Variants in TRIM14 observed in about 807,000 individuals in gnomAD.
TRIM14 encodes the protein tripartite motif containing 14.
A neutral mutation model predicts 44.5 loss-of-function variants in TRIM14; 28 were observed. The ratio of observed to expected loss-of-function variants is 0.63; its 90% CI spans 0.47 to 0.86. The LOEUF (loss-of-function observed/expected upper bound fraction) is 0.86, where lower values mean the gene tolerates loss of function less well. Ranked by LOEUF, TRIM14 falls within the 40% of genes least tolerant of loss-of-function variation. The pLI, the probability that TRIM14 is intolerant of heterozygous loss-of-function variation, is 0.00. For missense variants in TRIM14, 607 were observed against 611.1 expected (o/e 0.99, Z 0.07); for synonymous variants, 299 against 269.2 (o/e 1.11, Z -1.08).
chr9:98,091,642 TA>T (rs1172803834), intron 5 of TRIM14, among the ~76,000 whole-genome samples: 1 of 152,154 alleles, frequency 6.6e-6, no homozygotes, highest in African/African-American at 2.4e-5. Context: ...CTAAAAAAGC[TA>T]AAAGGACAAA....
At chr9:98,096,948 C>T (rs1362563112) in intron 3 of TRIM14, among the ~76,000 whole-genome samples, 1 of 152,210 alleles carries the variant, frequency 6.6e-6, no homozygotes, top group African/African-American at 2.4e-5. Context: ...CCTCCCAGCT[C>T]TTTGGGAGGC....
chr9:98,056,732 A>G, the TRIM14 span: 6 of 1,543,690 alleles, frequency 3.9e-6, no homozygotes, highest in South Asian at 1.2e-5. Flanking sequence ...AGCGTTGCTC[A>G]CAGAACAGAG....
In TRIM14 at chr9:98,088,021, C is replaced by G; in HGVS notation, c.794-16G>C. On this transcript the variant is annotated splice_polypyrimidine_tract_variant and intron_variant, in intron 5 of 5. Coordinates refer to ENST00000341469, the MANE Select transcript of TRIM14 (RefSeq NM_014788.4). ...GTGCGCGCGTCTGCAGGGGGCGAGA[C>G]AAGGGACGCACCTGGTGGGCGGGGC... 1 of 1,496,906 alleles carries G rather than the reference C, an allele frequency of 6.7e-7. No individual in the cohort carries two copies. The highest frequency in any genetic ancestry group is 8.8e-7 in the Non-Finnish European group (1 of 1,136,956). The allele number at this position is 1,496,906 out of a possible 1,614,324, so 92.7% of individuals were successfully genotyped here.
the TRIM14 span, chr9:98,056,677 C>A: frequency 5.8e-6 from 8 of 1,382,514 alleles, no homozygotes; most frequent in East Asian, 8.6e-5. Context: ...ATTGGCTGCC[C>A]GGCGACCGCG....
At position 98,095,790 on chromosome 9, in the gene TRIM14, C is replaced by T. The variant is rs561059738; in HGVS notation, c.538-761G>A. On this transcript the variant is annotated intron_variant, in intron 3 of 5. Coordinates refer to ENST00000341469, the MANE Select transcript of TRIM14 (RefSeq NM_014788.4). This position sits in a 1 kb window ranked among gnomAD's most constrained non-coding sequence, Gnocchi z 4.1. Reference sequence around the variant, plus strand: ...CACTGAGGGACAGCAGTGGTGGGGGCTCTGGTCAGTGGTGTGAGTGGTGAT... The same window carrying T: ...CACTGAGGGACAGCAGTGGTGGGGGTTCTGGTCAGTGGTGTGAGTGGTGAT... Among the ~76,000 whole-genome samples the T allele has an allele frequency of 1.6e-4, 25 of 152,286 alleles. No homozygotes were observed. Among genetic ancestry groups the T allele is most frequent in the African/African-American group, 6.0e-4 (25 of 41,566 alleles).
At chr9:98,076,740 G>T in intron 6 of TRIM14, 1 of 584,812 alleles carries the variant, frequency 1.7e-6, no homozygotes, top group East Asian at 3.1e-5. Context: ...GGATGCAAAT[G>T]AATGTTTGCA....
chr9:98,061,034 C>T, the TRIM14 span: 1 of 1,603,374 alleles, frequency 6.2e-7, no homozygotes, highest in African/African-American at 1.3e-5. Context: ...GTCACTTTAG[C>T]AGACCAAGGG....
At chr9:98,099,342 C>T (rs896643358) in intron 3 of TRIM14, among the ~76,000 whole-genome samples, 2 of 151,414 alleles carry the variant, frequency 1.3e-5, no homozygotes, top group Non-Finnish European at 2.9e-5. Flanking sequence ...ATCCCAGCTA[C>T]TCAGGAGGCT....
chr9:98,096,333 T>G (rs1410325692), intron 3 of TRIM14, among the ~76,000 whole-genome samples: 1 of 152,084 alleles, frequency 6.6e-6, no homozygotes, highest in Non-Finnish European at 1.5e-5. Context: ...AGCGCTGGAA[T>G]GGAGCTGGCC....
chr9:98,079,051 A>C (rs1457788661), intron 6 of TRIM14, among the ~76,000 whole-genome samples: 2 of 152,116 alleles, frequency 1.3e-5, no homozygotes, highest in African/African-American at 4.8e-5. Flanking sequence ...CCTGAGGCTC[A>C]TACTAGTTAT....
At chr9:98,081,854 T>C (rs2118043629), downstream of TRIM14, 1 of 152,304 alleles carries the variant, frequency 6.6e-6, no homozygotes, top group African/African-American at 2.4e-5. Context: ...GATGCATCTA[T>C]ACCAGGAAAT....
chr9:98,093,638 G>A (rs577465590), intron 4 of TRIM14, among the ~76,000 whole-genome samples: 12 of 152,216 alleles, frequency 7.9e-5, no homozygotes, highest in Admixed American at 7.9e-4. Context: ...CTTCCTTTGG[G>A]CCACCTTGAG....
chr9:98,049,418 T>G, the TRIM14 span, among the ~76,000 whole-genome samples: 1 of 150,980 alleles, frequency 6.6e-6, no homozygotes, highest in African/African-American at 2.4e-5. Context: ...GCTGTCCACT[T>G]TAATGATCAT....
the TRIM14 span, among the ~76,000 whole-genome samples, chr9:98,045,533 A>G: frequency 6.6e-6 from 1 of 152,114 alleles, no homozygotes. Context: ...TTGTTTCTGA[A>G]CCTCACTTCC....
At chr9:98,076,775 A>G in intron 6 of TRIM14, 1 of 648,026 alleles carries the variant, frequency 1.5e-6, no homozygotes, top group Non-Finnish European at 2.7e-6. Context: ...CTGAGAACAA[A>G]TCTTTGCCTG....
chr9:98,057,783 A>G, the TRIM14 span, among the ~76,000 whole-genome samples: 4 of 152,020 alleles, frequency 2.6e-5, no homozygotes, highest in Admixed American at 1.3e-4. Flanking sequence ...CCCTTCATCA[A>G]TGCTACTCAA....
downstream of TRIM14, among the ~76,000 whole-genome samples, chr9:98,083,531 C>A (rs772113346): frequency 2.4e-4 from 36 of 152,210 alleles, no homozygotes; most frequent in Non-Finnish European, 4.4e-4. Flanking sequence ...AAGGACTGGT[C>A]AAAGGATCTT....
At chr9:98,108,855 C>T (rs2118602480) in intron 2 of TRIM14, among the ~76,000 whole-genome samples, 1 of 148,556 alleles carries the variant, frequency 6.7e-6, no homozygotes, top group Non-Finnish European at 1.5e-5. Flanking sequence ...CACTCCTCCT[C>T]TTGTGTGAAT....
Position 98,087,292 on chromosome 9 carries a change from A to G in TRIM14, c.*178T>C. ...CAGACTTGTTTAGGGCCTGTTTGAA[A>G]CTAGCCTAGGAGAGGAAACCTTCAA... is the stretch of plus-strand genomic sequence containing the variant. On this transcript the variant is annotated 3_prime_UTR_variant, in exon 6 of 6. Transcript: ENST00000341469. The G allele has an allele frequency of 9.8e-7, 1 of 1,015,770 alleles. No individual in the cohort carries two copies. Among genetic ancestry groups the G allele is most frequent in the Non-Finnish European group, 1.6e-6 (1 of 634,114 alleles). 62.9% of individuals were successfully genotyped at this position (1,015,770 alleles called of 1,614,324 possible). A position where few individuals can be genotyped will look rare whatever the true frequency, so the allele number is the denominator to read the frequency against.
Sources: allele counts gnomAD v4.1 joint callset (sites outside exome capture counted in the v4.1 genomes callset), GRCh38; gene constraint gnomAD v4.1.1; non-coding constraint Gnocchi (gnomAD v3.1); transcripts MANE v1.5; gene names NCBI Gene and HGNC (gene_info 2026-07-23, HGNC 2026-07-21).